The following SLC22A3 variants were observed in gnomAD, a reference collection of about 807,000 sequenced individuals.
SLC22A3 encodes the protein EMT organic cation transporter 3.
A neutral mutation model predicts 59.1 loss-of-function variants in SLC22A3; 51 were observed. The observed-to-expected ratio is 0.86, with a 90% confidence interval of 0.69 to 1.09. SLC22A3 has a LOEUF of 1.09. Among genes scored for constraint, SLC22A3 ranks in the 50% least tolerant of loss-of-function variants. The pLI is 0.00. For synonymous variants in SLC22A3, 325 were observed against 292.0 expected (o/e 1.11, Z -1.15); for missense variants, 711 against 726.3 (o/e 0.98, Z 0.24).
chr6:160,414,048 A>T (rs1324773348), intron 5 of SLC22A3, among the ~76,000 whole-genome samples: 1 of 152,204 alleles, frequency 6.6e-6, no homozygotes, highest in African/African-American at 2.4e-5. Context: ...ATCCTTTAAC[A>T]CGTTTCTCTG....
chr6:160,408,700 A>G (rs2114855152), intron 3 of SLC22A3, 53 bp from the exon 4 acceptor site: 3 of 1,570,410 alleles, frequency 1.9e-6, no homozygotes, highest in Non-Finnish European at 2.6e-6. Flanking sequence ...TTGTTTGTTT[A>G]TTTTGGAGCT....
At chr6:160,387,463 A>G (rs1047866493) in intron 1 of SLC22A3, among the ~76,000 whole-genome samples, 6 of 152,218 alleles carry the variant, frequency 3.9e-5, no homozygotes, top group African/African-American at 1.4e-4. Flanking sequence ...TCCCAAGGAA[A>G]TACATGTAGA....
At chr6:160,441,796 G>A (rs1788553710) in intron 7 of SLC22A3, among the ~76,000 whole-genome samples, 1 of 152,108 alleles carries the variant, frequency 6.6e-6, no homozygotes, top group Non-Finnish European at 1.5e-5. Context: ...TGGATATAAA[G>A]GGAAAATGAA....
chr6:160,451,110 A>G lies in SLC22A3; in HGVS notation c.*54A>G. ...CTATCCAGGAGCTGATCCTCCTTGC[A>G]AAGCTGTGCCTTGCAGAGATGCACG... is the stretch of plus-strand genomic sequence containing the variant. On this transcript the variant is annotated 3_prime_UTR_variant, in exon 11 of 11. Transcript: ENST00000275300. 1 of 1,534,446 alleles carries G rather than the reference A, an allele frequency of 6.5e-7. No individual in the cohort carries two copies. The highest frequency in any genetic ancestry group is 8.9e-7 in the Non-Finnish European group (1 of 1,123,600).
chr6:160,438,314 C>T (rs1788424058), intron 7 of SLC22A3, among the ~76,000 whole-genome samples: 1 of 152,030 alleles, frequency 6.6e-6, no homozygotes, highest in South Asian at 2.1e-4. Flanking sequence ...TGAAGTAGAG[C>T]AAGTTCATCA....
At chr6:160,447,283 G>A (rs775044350) in intron 9 of SLC22A3, among the ~76,000 whole-genome samples, 7 of 152,278 alleles carry the variant, frequency 4.6e-5, no homozygotes, top group East Asian at 1.9e-4. Context: ...GGCTGGTCCC[G>A]GAGTAGACAC....
At chr6:160,395,507 G>A (rs1220674100) in intron 1 of SLC22A3, among the ~76,000 whole-genome samples, 2 of 152,184 alleles carry the variant, frequency 1.3e-5, no homozygotes, top group African/African-American at 4.8e-5. Flanking sequence ...TGATTTCGCT[G>A]TTTGCTTTCT....
chr6:160,431,838 A>G (rs1453383902), intron 5 of SLC22A3, among the ~76,000 whole-genome samples: 1 of 152,192 alleles, frequency 6.6e-6, no homozygotes, highest in African/African-American at 2.4e-5. Context: ...CAGAAAACCA[A>G]CTTAAATAGG....
chr6:160,370,867 G>A (rs554055872), intron 1 of SLC22A3, among the ~76,000 whole-genome samples: 3 of 152,134 alleles, frequency 2.0e-5, no homozygotes, highest in African/African-American at 4.8e-5. Flanking sequence ...CCTGTCCTAG[G>A]CTTCCTCTCA....
At chr6:160,448,020 T>G (rs1788812391) in intron 10 of SLC22A3, among the ~76,000 whole-genome samples, 2 of 151,872 alleles carry the variant, frequency 1.3e-5, no homozygotes, top group South Asian at 4.2e-4. Context: ...GTATGCATTG[T>G]TTTTTTTAAT....
At chr6:160,364,947 G>T (rs1785154455) in intron 1 of SLC22A3, among the ~76,000 whole-genome samples, 1 of 151,864 alleles carries the variant, frequency 6.6e-6, no homozygotes, top group South Asian at 2.1e-4. Flanking sequence ...ACCTTATTGA[G>T]TTTATATTGC....
At chr6:160,423,476 C>T (rs1787830709) in intron 5 of SLC22A3, among the ~76,000 whole-genome samples, 2 of 128,796 alleles carry the variant, frequency 1.6e-5, no homozygotes, top group South Asian at 5.9e-4. Flanking sequence ...TATTTCTCCA[C>T]ATCCTCTCCA....
intron 8 of SLC22A3, 118 bp from the exon 9 acceptor site, chr6:160,443,512 T>C: frequency 2.7e-6 from 2 of 733,138 alleles, no homozygotes; most frequent in South Asian, 1.5e-5. Context: ...TTTTCAAAGT[T>C]AGAAAATGCA....
At chr6:160,414,644 G>T (rs775018416) in intron 5 of SLC22A3, among the ~76,000 whole-genome samples, 1 of 152,152 alleles carries the variant, frequency 6.6e-6, no homozygotes, top group Non-Finnish European at 1.5e-5. Context: ...AAGCAAACAC[G>T]TGTTTCCTCA....
intron 1 of SLC22A3, among the ~76,000 whole-genome samples, chr6:160,369,680 AT>A (rs1785331261): frequency 6.6e-6 from 1 of 152,216 alleles, no homozygotes; most frequent in Non-Finnish European, 1.5e-5. Flanking sequence ...AAATGAAAAA[AT>A]GTTAGCATTT....
intron 5 of SLC22A3, among the ~76,000 whole-genome samples, chr6:160,416,834 A>C (rs929498219): frequency 9.9e-5 from 15 of 152,240 alleles, no homozygotes; most frequent in African/African-American, 3.6e-4. Context: ...TGGATGGAGT[A>C]ACAATGCTTA....
intron 4 of SLC22A3, among the ~76,000 whole-genome samples, chr6:160,410,039 T>C (rs1562489774): frequency 6.6e-6 from 1 of 152,190 alleles, no homozygotes. Flanking sequence ...TGTTTTGAGA[T>C]GGAGTCTCAC....
chr6:160,363,288 C>G (rs915308101), intron 1 of SLC22A3, among the ~76,000 whole-genome samples: 1 of 152,224 alleles, frequency 6.6e-6, no homozygotes, highest in Non-Finnish European at 1.5e-5. Flanking sequence ...GGCCTAGTCT[C>G]GCTTCTGTCG....
At chr6:160,392,726 C>A (rs1055466180) in intron 1 of SLC22A3, among the ~76,000 whole-genome samples, 1 of 152,146 alleles carries the variant, frequency 6.6e-6, no homozygotes, top group Non-Finnish European at 1.5e-5. Context: ...GAAACCCAAA[C>A]CAAATTATTA....
Sources: allele counts gnomAD v4.1 joint callset (sites outside exome capture counted in the v4.1 genomes callset), GRCh38; gene constraint gnomAD v4.1.1; transcripts MANE v1.5; gene names NCBI Gene and HGNC (gene_info 2026-07-23, HGNC 2026-07-21).